KIAA2012: variants seen among roughly 807,000 people sequenced by gnomAD.
KIAA2012 encodes uncharacterized protein KIAA2012.
A neutral mutation model predicts 150.6 loss-of-function variants in KIAA2012; 125 were observed. That is an observed-to-expected ratio of 0.83 (90% confidence interval 0.72 to 0.96). The LOEUF (loss-of-function observed/expected upper bound fraction) is 0.96, where lower values mean the gene tolerates loss of function less well. Among genes scored for constraint, KIAA2012 ranks in the 40% least tolerant of loss-of-function variants. The probability of loss-of-function intolerance (pLI) is 0.00; values close to 1 mark genes in which losing one functional copy is unlikely to be tolerated. For synonymous variants in KIAA2012, 462 were observed against 504.7 expected, an observed-to-expected ratio of 0.92 and a Z score of 1.13; for missense variants, 1,219 against 1,354.9, an observed-to-expected ratio of 0.90 and a Z score of 1.57.
chr2:202,180,196 G>A (rs372838974), intron 15 of KIAA2012, among the ~76,000 whole-genome samples: 2 of 151,322 alleles, frequency 1.3e-5, no homozygotes, highest in African/African-American at 4.9e-5. Flanking sequence ...ACTTGAACCC[G>A]GGAGGCGGAG....
chr2:202,200,667 A>G (rs1336240601), intron 22 of KIAA2012, among the ~76,000 whole-genome samples: 1 of 150,770 alleles, frequency 6.6e-6, no homozygotes, highest in Non-Finnish European at 1.5e-5. Context: ...TAAATCAAAG[A>G]CTTAAAGGAG....
intron 14 of KIAA2012, among the ~76,000 whole-genome samples, chr2:202,161,507 A>T (rs1418375718): frequency 1.3e-5 from 2 of 151,986 alleles, no homozygotes; most frequent in Non-Finnish European, 2.9e-5. Context: ...CCTGTGTCTA[A>T]TTTACACTGT....
intron 9 of KIAA2012, among the ~76,000 whole-genome samples, chr2:202,108,394 A>G (rs1690254045): frequency 6.6e-6 from 1 of 152,226 alleles, no homozygotes; most frequent in Non-Finnish European, 1.5e-5. Flanking sequence ...TTTCTAATTC[A>G]TAGTCACATT....
intron 14 of KIAA2012, among the ~76,000 whole-genome samples, chr2:202,160,502 A>G (rs921137740): frequency 2.0e-5 from 3 of 151,718 alleles, no homozygotes; most frequent in African/African-American, 7.3e-5. Context: ...TTTAGTACAG[A>G]CGGGGTTTTA....
At chr2:202,082,112 T>C (rs1689463212) in intron 2 of KIAA2012, among the ~76,000 whole-genome samples, 2 of 152,244 alleles carry the variant, frequency 1.3e-5, no homozygotes, top group South Asian at 4.1e-4. Context: ...TGACCATTTG[T>C]ATATCTTTTC....
At chr2:202,098,019 C>A (rs1689938649) in intron 5 of KIAA2012, among the ~76,000 whole-genome samples, 1 of 152,190 alleles carries the variant, frequency 6.6e-6, no homozygotes, top group South Asian at 2.1e-4. Context: ...ACCACCATTT[C>A]CCCAAAGTGT....
At chr2:202,172,114 C>T (rs571436768) in intron 15 of KIAA2012, among the ~76,000 whole-genome samples, 1 of 152,340 alleles carries the variant, frequency 6.6e-6, no homozygotes, top group African/African-American at 2.4e-5. Context: ...TGAGCCACCG[C>T]GCCTGGCCAT....
At position 202,073,566 on chromosome 2, in the gene KIAA2012, C is replaced by A. The variant is rs975878110; in HGVS notation, c.-62C>A. On this transcript the variant is annotated 5_prime_UTR_variant, in exon 1 of 24. Coordinates refer to ENST00000498697, the MANE Select transcript of KIAA2012 (RefSeq NM_001277372.4). ...GAGCTCTGGAAATCTTGAGGTGTGA[C>A]CAGATTTCAGCCTTCAAAACCAAGA... is the stretch of plus-strand genomic sequence containing the variant. 2 of 1,439,986 alleles carry A rather than the reference C, an allele frequency of 1.4e-6. No homozygotes were observed. Among genetic ancestry groups the A allele is most frequent in the Non-Finnish European group, 1.9e-6 (2 of 1,051,070 alleles). The allele number at this position is 1,439,986 out of a possible 1,614,324, so 89.2% of individuals were successfully genotyped here.
At chr2:202,092,935 C>A in intron 3 of KIAA2012, 95 bp from the exon 4 acceptor site, 1 of 1,092,638 alleles carries the variant, frequency 9.2e-7, no homozygotes, top group Non-Finnish European at 1.3e-6. Flanking sequence ...TGTCCAAAGC[C>A]AAGACTAGTG....
chr2:202,078,858 C>A (rs1196252691), intron 2 of KIAA2012, among the ~76,000 whole-genome samples: 1 of 152,060 alleles, frequency 6.6e-6, no homozygotes, highest in African/African-American at 2.4e-5. Context: ...TGAGACTAGG[C>A]CACATAGAAA....
chr2:202,200,590 G>A (rs1692498663), intron 22 of KIAA2012, among the ~76,000 whole-genome samples: 1 of 151,226 alleles, frequency 6.6e-6, no homozygotes, highest in Non-Finnish European at 1.5e-5. Context: ...TTGGAGATGG[G>A]ATGGGTGGGG....
At chr2:202,179,858 A>C in intron 15 of KIAA2012, 1 of 635,246 alleles carries the variant, frequency 1.6e-6, no homozygotes, top group Non-Finnish European at 3.0e-6. Flanking sequence ...GATGCCATTC[A>C]TACAGCCATG....
intron 15 of KIAA2012, among the ~76,000 whole-genome samples, chr2:202,172,180 C>T (rs1347014012): frequency 1.3e-5 from 2 of 152,212 alleles, no homozygotes; most frequent in Non-Finnish European, 2.9e-5. Context: ...GTACTTTGAG[C>T]TTATTTTATC....
chr2:202,189,574 G>A (rs1692290798), intron 18 of KIAA2012, among the ~76,000 whole-genome samples: 1 of 152,080 alleles, frequency 6.6e-6, no homozygotes, highest in Non-Finnish European at 1.5e-5. Context: ...ACAAGTGTGA[G>A]CCACCACGCC....
At chr2:202,138,622 C>A in intron 13 of KIAA2012, 114 bp downstream of exon 13, 1 of 673,094 alleles carries the variant, frequency 1.5e-6, no homozygotes. Flanking sequence ...GCCTCATTTG[C>A]CTAATCAGTA....
At chr2:202,139,261 A>G (rs1691147277) in intron 13 of KIAA2012, among the ~76,000 whole-genome samples, 2 of 151,438 alleles carry the variant, frequency 1.3e-5, no homozygotes, top group South Asian at 4.2e-4. Flanking sequence ...AAGAATATCT[A>G]TTAGTGGTTC....
intron 15 of KIAA2012, among the ~76,000 whole-genome samples, chr2:202,182,236 C>CGGGA (rs1388290295): frequency 1.3e-5 from 2 of 151,374 alleles, no homozygotes; most frequent in Non-Finnish European, 2.9e-5. Context: ...CTCAGCCTCC[C>CGGGA]GAGTAGCTGG....
intron 15 of KIAA2012, among the ~76,000 whole-genome samples, chr2:202,184,208 A>AC (rs1371726496): frequency 6.6e-6 from 1 of 151,350 alleles, no homozygotes; most frequent in African/African-American, 2.4e-5. Flanking sequence ...ATATGGTGAA[A>AC]CCCCATCTCT....
Position 202,109,702 on chromosome 2 carries a change from G to A in KIAA2012, c.1564G>A (p.Val522Met), listed in dbSNP as rs1338742487. The A allele has an allele frequency of 1.2e-5, 19 of 1,550,412 alleles. No homozygotes were observed. The highest frequency in any genetic ancestry group is 2.4e-5 in the East Asian group (1 of 40,906). ...AAAAAGTCCTGAGAGCCAGAAGGGC[G>A]TGGACAGCCCTAGGACATCAGACCA... is the stretch of plus-strand genomic sequence containing the variant. The part of the protein sequence containing the change: ...GKKSPESQKG[V>M]DSPRTSDHNS... The change falls in exon 10 of 24, where the codon GTG becomes ATG. Residue 522 changes from valine to methionine, a missense_variant. Val to Met is a conservative substitution (Grantham distance 21). Transcript: ENST00000498697.
Sources: allele counts gnomAD v4.1 joint callset (sites outside exome capture counted in the v4.1 genomes callset), GRCh38; gene constraint gnomAD v4.1.1; transcripts MANE v1.5; gene names NCBI Gene and HGNC (gene_info 2026-07-23, HGNC 2026-07-21).